The following GPR39 variants were observed in gnomAD, a reference collection of about 807,000 sequenced individuals.
GPR39 encodes G protein-coupled receptor 39, also known as zinc sensing receptor.
A neutral mutation model predicts 18.4 loss-of-function variants in GPR39; 23 were observed. That is an observed-to-expected ratio of 1.25 (90% CI 0.90 to 1.77). GPR39 has a LOEUF of 1.77. Among genes scored for constraint, GPR39 ranks in the 40% most tolerant of loss-of-function variants. The probability of loss-of-function intolerance (pLI) is 0.00; values close to 1 mark genes in which losing one functional copy is unlikely to be tolerated. For synonymous variants in GPR39, 280 were observed against 257.9 expected, an observed-to-expected ratio of 1.09 and a Z score of -0.82; for missense variants, 647 against 602.4, an observed-to-expected ratio of 1.07 and a Z score of -0.78.
chr2:132,616,491 G>A (rs1487728390), intron 1 of GPR39, among the ~76,000 whole-genome samples: 1 of 152,226 alleles, frequency 6.6e-6, no homozygotes, highest in East Asian at 1.9e-4. Flanking sequence ...AGAATGCAGA[G>A]TGGAGATTCT....
At chr2:132,562,288 T>C (rs1680269295) in intron 1 of GPR39, among the ~76,000 whole-genome samples, 1 of 152,204 alleles carries the variant, frequency 6.6e-6, no homozygotes, top group Non-Finnish European at 1.5e-5. Flanking sequence ...CAAATTGGAT[T>C]ATATTTGATC....
intron 1 of GPR39, among the ~76,000 whole-genome samples, chr2:132,620,962 C>T (rs1379243981): frequency 6.6e-6 from 1 of 152,104 alleles, no homozygotes; most frequent in Non-Finnish European, 1.5e-5. Context: ...TTGTGTTAGC[C>T]AGGATGGTCT....
chr2:132,622,699 T>G lies in GPR39; in HGVS notation c.857-22402T>G, dbSNP rs568501539. 1.3e-3 allele frequency among the ~76,000 whole-genome samples: 195 copies of G among 152,330 alleles called. 1 individual carries two copies. Among genetic ancestry groups the G allele is most frequent in the African/African-American group, 4.6e-3 (191 of 41,572 alleles). On this transcript the variant is annotated intron_variant, in intron 1 of 1. Coordinates refer to ENST00000329321, the MANE Select transcript of GPR39 (RefSeq NM_001508.3). ...AATTGATTGAAAGACTTAAGCTTTG[T>G]CTAAAAATTTGGAGTTGATAGAAAG... is the stretch of plus-strand genomic sequence containing the variant.
At chr2:132,445,581 G>A (rs777078635) in intron 1 of GPR39, among the ~76,000 whole-genome samples, 1 of 152,200 alleles carries the variant, frequency 6.6e-6, no homozygotes, top group Non-Finnish European at 1.5e-5. Context: ...ATTTATGCCT[G>A]TTTTCTAGGT....
At chr2:132,434,921 T>C (rs1000175413) in intron 1 of GPR39, among the ~76,000 whole-genome samples, 1 of 152,238 alleles carries the variant, frequency 6.6e-6, no homozygotes, top group South Asian at 2.1e-4. Context: ...TAACAGAAGA[T>C]GACTTGACGG....
rs113654389 is a variant in GPR39, at chr2:132,423,503, C to T, written c.856+5605C>T. Among the ~76,000 whole-genome samples, 873 of 152,268 alleles carry T rather than the reference C, an allele frequency of 5.7e-3. 10 individuals carry two copies. Among genetic ancestry groups the T allele is most frequent in the African/African-American group, 0.02 (826 of 41,534 alleles). ...CCCCTTAACTGCCTTATTCCACTGGCTCCCCTTCAAGTTCTTCAAGTGACC... is the reference window on the plus strand; with the variant it reads ...CCCCTTAACTGCCTTATTCCACTGGTTCCCCTTCAAGTTCTTCAAGTGACC... On this transcript the variant is annotated intron_variant, in intron 1 of 1. Coordinates refer to ENST00000329321, the MANE Select transcript of GPR39 (RefSeq NM_001508.3).
At position 132,445,671 on chromosome 2, in the gene GPR39, T is replaced by C. The variant is rs147306474; in HGVS notation, c.856+27773T>C. Reference sequence around the variant, plus strand: ...GTGTCTTCGCTTCTATGACAAATTGTTTGCCATACCTGTGATTTATTTTTC... The same window carrying C: ...GTGTCTTCGCTTCTATGACAAATTGCTTGCCATACCTGTGATTTATTTTTC... On this transcript the variant is annotated intron_variant, in intron 1 of 1. Transcript: ENST00000329321. 2.8e-3 allele frequency among the ~76,000 whole-genome samples: 429 copies of C among 152,148 alleles called. 2 individuals carry two copies. The highest frequency in any genetic ancestry group is 0.02 in the Middle Eastern group (6 of 294).
At chr2:132,522,379 A>G (rs1014074275) in intron 1 of GPR39, among the ~76,000 whole-genome samples, 6 of 152,218 alleles carry the variant, frequency 3.9e-5, no homozygotes, top group Non-Finnish European at 5.9e-5. Context: ...CTAGACATCA[A>G]TAGATGCAGG....
chr2:132,520,905 G>C (rs7571728), intron 1 of GPR39, among the ~76,000 whole-genome samples: 34,315 of 152,176 alleles, frequency 0.23, 5,130 homozygotes, highest in East Asian at 0.61. Context: ...GTCAGAGAGA[G>C]GGATCTGTGT....
At chr2:132,446,588 G>A (rs1034997576) in intron 1 of GPR39, among the ~76,000 whole-genome samples, 29 of 152,182 alleles carry the variant, frequency 1.9e-4, no homozygotes, top group African/African-American at 7.0e-4. Flanking sequence ...AAAGAATTTT[G>A]TGCCTCTGCC....
chr2:132,494,502 A>G (rs553078077), intron 1 of GPR39, among the ~76,000 whole-genome samples: 1 of 152,170 alleles, frequency 6.6e-6, no homozygotes, highest in African/African-American at 2.4e-5. Context: ...CTATTATGGG[A>G]CCCACAGGAG....
intron 1 of GPR39, among the ~76,000 whole-genome samples, chr2:132,499,261 T>G (rs1293831024): frequency 1.3e-5 from 2 of 152,222 alleles, no homozygotes; most frequent in African/African-American, 4.8e-5. Flanking sequence ...GGATCCAGTT[T>G]CATTCTTCTA....
chr2:132,535,695 C>CATTTTTTTTTTTTTTTTTTTTTT (rs1553454956), intron 1 of GPR39, among the ~76,000 whole-genome samples: 1 of 96,538 alleles, frequency 1.0e-5, no homozygotes. Flanking sequence ...TGGTCCTGGG[C>CATTTTTTTTTTTTTTTTTTTTTT]TTTTTTTTTT....
chr2:132,424,995 G>A (rs1680091775), intron 1 of GPR39, among the ~76,000 whole-genome samples: 1 of 152,126 alleles, frequency 6.6e-6, no homozygotes, highest in Non-Finnish European at 1.5e-5. Context: ...TGTTGCTCAG[G>A]CCCTGATTAG....
chr2:132,586,316 G>T (rs925284095), intron 1 of GPR39, among the ~76,000 whole-genome samples: 2 of 152,110 alleles, frequency 1.3e-5, no homozygotes, highest in East Asian at 3.9e-4. Context: ...CCACCACTCA[G>T]CCCTGCGCCT....
At chr2:132,598,020 T>C (rs908514623) in intron 1 of GPR39, among the ~76,000 whole-genome samples, 1 of 152,184 alleles carries the variant, frequency 6.6e-6, no homozygotes, top group African/African-American at 2.4e-5. Flanking sequence ...AATCCATCAG[T>C]AGCTGTTTGT....
intron 1 of GPR39, among the ~76,000 whole-genome samples, chr2:132,512,436 A>G (rs1419169224): frequency 6.6e-6 from 1 of 152,138 alleles, no homozygotes; most frequent in Non-Finnish European, 1.5e-5. Flanking sequence ...CCAAACACTC[A>G]TAGTCCTCTC....
At chr2:132,539,707 G>A (rs2104784218) in intron 1 of GPR39, among the ~76,000 whole-genome samples, 1 of 152,252 alleles carries the variant, frequency 6.6e-6, no homozygotes, top group East Asian at 1.9e-4. Context: ...GAACTTAGCT[G>A]GAGTGGCCAG....
In GPR39 at chr2:132,488,368, CA is replaced by C. The variant is rs546383461; in HGVS notation, c.856+70479del. Among the ~76,000 whole-genome samples, 574 of 150,988 alleles carry C rather than the reference CA, an allele frequency of 3.8e-3. 4 individuals are homozygous for C. Among genetic ancestry groups the C allele is most frequent in the African/African-American group, 0.013 (526 of 41,164 alleles). ...AAGAGGCATATTTAGGTAAAAATAA[CA>C]AAAAAAAACCCTTGCTGCATAGATA... On this transcript the variant is annotated intron_variant, in intron 1 of 1. Transcript: ENST00000329321.
Sources: gnomAD v4.1 joint callset for allele counts (sites outside exome capture counted in the v4.1 genomes callset) on GRCh38, gnomAD v4.1.1 for gene constraint, MANE v1.5 for transcripts, NCBI Gene and HGNC (gene_info 2026-07-23, HGNC 2026-07-21) for gene names.